Variants in PCDH15 observed in about 807,000 individuals in gnomAD.
The protein encoded by PCDH15 is protocadherin-15.
Under a neutral mutation model 178.5 loss-of-function variants are expected in PCDH15, and 129 were observed. The ratio of observed to expected loss-of-function variants is 0.72; its 90% CI spans 0.63 to 0.84. The LOEUF is 0.84. Ranked by LOEUF, PCDH15 falls within the 40% of genes least tolerant of loss-of-function variation. PCDH15 has a pLI of 0.00. For missense variants in PCDH15, 2,230 were observed against 2,099.9 expected (o/e 1.06, Z -1.21); for synonymous variants, 800 against 732.0 (o/e 1.09, Z -1.50).
intron 2 of PCDH15, chr10:54,641,171 G>T (rs1239512963): frequency 5.3e-6 from 1 of 190,020 alleles, no homozygotes; most frequent in Non-Finnish European, 1.1e-5. Context: ...ATAAAGTTTT[G>T]TGTGTGTGTA....
intron 22 of PCDH15, among the ~76,000 whole-genome samples, chr10:53,961,227 T>C (rs972944514): frequency 2.7e-4 from 41 of 152,136 alleles, no homozygotes; most frequent in Non-Finnish European, 4.7e-4. Context: ...AGGATTGTAA[T>C]ATATCAATCT....
intron 2 of PCDH15, among the ~76,000 whole-genome samples, chr10:54,635,828 A>T (rs777496951): frequency 6.6e-6 from 1 of 151,966 alleles, no homozygotes; most frequent in Non-Finnish European, 1.5e-5. Flanking sequence ...TATATTTATC[A>T]TTCAGAGGTG....
chr10:55,571,362 T>G (rs1007489076), intron 2 of PCDH15, among the ~76,000 whole-genome samples: 3 of 152,072 alleles, frequency 2.0e-5, no homozygotes, highest in Non-Finnish European at 4.4e-5. Flanking sequence ...CAGGTATTCC[T>G]TACAGAAACT....
intron 2 of PCDH15, among the ~76,000 whole-genome samples, chr10:55,337,833 G>T (rs1047813096): frequency 1.6e-5 from 2 of 126,884 alleles, no homozygotes; most frequent in Non-Finnish European, 3.4e-5. Context: ...TCCTAAGTAG[G>T]TATAAGAATG....
intron 1 of PCDH15, among the ~76,000 whole-genome samples, chr10:54,779,436 G>GTATACACATA (rs1950063517): frequency 1.2e-5 from 1 of 82,282 alleles, no homozygotes; most frequent in African/African-American, 4.8e-5. Flanking sequence ...ACACATATGT[G>GTATACACATA]TATATATATA....
intron 1 of PCDH15, among the ~76,000 whole-genome samples, chr10:55,225,650 TGAGAGA>T (rs56234985): frequency 7.4e-5 from 11 of 148,130 alleles, no homozygotes; most frequent in East Asian, 2.0e-4. Context: ...TGTGTGTGTG[TGAGAGA>T]GAGAGAGAGA....
chr10:53,941,921 A>G (rs938276257), intron 23 of PCDH15, among the ~76,000 whole-genome samples: 4 of 152,190 alleles, frequency 2.6e-5, no homozygotes, highest in Admixed American at 6.5e-5. Flanking sequence ...TTTGAACTTA[A>G]TAGAAGAATG....
chr10:55,509,852 A>G (rs1840840656), intron 2 of PCDH15, among the ~76,000 whole-genome samples: 1 of 151,942 alleles, frequency 6.6e-6, no homozygotes, highest in South Asian at 2.1e-4. Flanking sequence ...TGAGTCACAA[A>G]TCATAGAGCT....
chr10:54,459,711 A>G (rs148875763), intron 3 of PCDH15, among the ~76,000 whole-genome samples: 89 of 152,272 alleles, frequency 5.8e-4, no homozygotes, highest in African/African-American at 2.0e-3. Context: ...TAATCATAAA[A>G]TTGCAGTAAT....
At chr10:53,841,351 A>G (rs925522844) in intron 28 of PCDH15, among the ~76,000 whole-genome samples, 1 of 152,150 alleles carries the variant, frequency 6.6e-6, no homozygotes, top group Admixed American at 6.5e-5. Context: ...CGTAGACTCA[A>G]TGCTCTTTTC....
chr10:54,016,847 T>TA (rs1469838222), intron 20 of PCDH15, among the ~76,000 whole-genome samples: 1 of 152,188 alleles, frequency 6.6e-6, no homozygotes, highest in Admixed American at 6.5e-5. Flanking sequence ...AATTTACCTG[T>TA]ATAACAAACC....
intron 5 of PCDH15, among the ~76,000 whole-genome samples, chr10:54,357,524 A>C (rs1945221649): frequency 6.6e-6 from 1 of 152,082 alleles, no homozygotes; most frequent in South Asian, 2.1e-4. Context: ...GGATACAAAC[A>C]AATGGAAGAA....
At chr10:55,331,412 A>AT (rs905804084) in intron 2 of PCDH15, among the ~76,000 whole-genome samples, 1 of 151,984 alleles carries the variant, frequency 6.6e-6, no homozygotes, top group Non-Finnish European at 1.5e-5. Context: ...TGGTTACAAT[A>AT]TTTTTTAGTA....
intron 1 of PCDH15, among the ~76,000 whole-genome samples, chr10:54,688,958 A>C (rs2095065173): frequency 6.6e-6 from 1 of 152,100 alleles, no homozygotes; most frequent in Non-Finnish European, 1.5e-5. Flanking sequence ...TAATAATCCT[A>C]AAAATTAGAT....
chr10:54,558,467 T>C (rs1319903829), intron 2 of PCDH15, among the ~76,000 whole-genome samples: 1 of 152,036 alleles, frequency 6.6e-6, no homozygotes, highest in Non-Finnish European at 1.5e-5. Flanking sequence ...ATAAACTCTG[T>C]ATAATCTCAG....
At chr10:55,011,418 G>C (rs1840045511) in intron 2 of PCDH15, among the ~76,000 whole-genome samples, 1 of 151,988 alleles carries the variant, frequency 6.6e-6, no homozygotes, top group Admixed American at 6.6e-5. Flanking sequence ...ACTTAGACGT[G>C]GAAATTAGTT....
At chr10:55,592,957 A>G (rs1258763518) in intron 2 of PCDH15, among the ~76,000 whole-genome samples, 1 of 152,102 alleles carries the variant, frequency 6.6e-6, no homozygotes, top group Non-Finnish European at 1.5e-5. Flanking sequence ...CAAATGCCTT[A>G]ACGTAATACT....
intron 9 of PCDH15, among the ~76,000 whole-genome samples, chr10:54,233,348 ATTTTT>A (rs1206930609): frequency 6.6e-6 from 1 of 150,562 alleles, no homozygotes; most frequent in Non-Finnish European, 1.5e-5. Flanking sequence ...AAGTATTGTT[ATTTTT>A]ATTTGTCTCA....
At chr10:54,167,018 C>T (rs1418631869) in intron 13 of PCDH15, among the ~76,000 whole-genome samples, 7 of 152,174 alleles carry the variant, frequency 4.6e-5, no homozygotes, top group Non-Finnish European at 1.0e-4. Context: ...CCTTATCTCC[C>T]TTCGCTGACT....
Sources: allele counts gnomAD v4.1 joint callset (sites outside exome capture counted in the v4.1 genomes callset), GRCh38; gene constraint gnomAD v4.1.1; transcripts MANE v1.5; gene names NCBI Gene and HGNC (gene_info 2026-07-23, HGNC 2026-07-21).